SLC25A21: variants seen among roughly 807,000 people sequenced by gnomAD.
SLC25A21 encodes the protein solute carrier family 25 member 21, also known as mitochondrial 2-oxodicarboxylate carrier.
Under a neutral mutation model 43.8 loss-of-function variants are expected in SLC25A21, and 47 were observed. That is an observed-to-expected ratio of 1.07 (90% CI 0.85 to 1.37). The LOEUF (loss-of-function observed/expected upper bound fraction) is 1.37. SLC25A21 is among the 40% of genes most tolerant of loss of function. SLC25A21 has a pLI of 0.00. For missense variants in SLC25A21, 352 were observed against 350.2 expected (o/e 1.00, Z -0.04); for synonymous variants, 131 against 121.3 (o/e 1.08, Z -0.52).
intron 1 of SLC25A21, among the ~76,000 whole-genome samples, chr14:36,903,614 GAAAAA>G (rs71124784): frequency 3.0e-4 from 15 of 50,458 alleles, no homozygotes; most frequent in East Asian, 2.8e-3. Context: ...CTCCGTCTCA[GAAAAA>G]AAAAAAAAAA....
chr14:37,025,486 G>A (rs1040333434), intron 1 of SLC25A21, among the ~76,000 whole-genome samples: 3 of 152,094 alleles, frequency 2.0e-5, no homozygotes, highest in Non-Finnish European at 4.4e-5. Flanking sequence ...TAATAAACGT[G>A]ATTATCATAA....
intron 4 of SLC25A21, among the ~76,000 whole-genome samples, chr14:36,732,139 T>A (rs963308215): frequency 1.3e-5 from 2 of 152,114 alleles, no homozygotes; most frequent in South Asian, 2.1e-4. Flanking sequence ...TTTCTCTCTA[T>A]GTATATTTCT....
chr14:36,816,014 A>G (rs1329756065), intron 2 of SLC25A21, among the ~76,000 whole-genome samples: 1 of 152,242 alleles, frequency 6.6e-6, no homozygotes, highest in Non-Finnish European at 1.5e-5. Context: ...TTATAGTTCT[A>G]GGCCTCACAG....
chr14:37,121,101 A>G (rs996764847), intron 1 of SLC25A21, among the ~76,000 whole-genome samples: 5 of 152,228 alleles, frequency 3.3e-5, no homozygotes, highest in Non-Finnish European at 7.3e-5. Flanking sequence ...GAAAGTGATC[A>G]TGTACCCTTT....
intron 1 of SLC25A21, among the ~76,000 whole-genome samples, chr14:37,160,951 G>A (rs1243630639): frequency 1.6e-5 from 2 of 128,040 alleles, no homozygotes; most frequent in Non-Finnish European, 3.2e-5. Context: ...GAAGGAGGAA[G>A]AGGAGGAGGA....
intron 3 of SLC25A21, among the ~76,000 whole-genome samples, chr14:36,800,108 G>C (rs1379749464): frequency 6.6e-6 from 1 of 151,978 alleles, no homozygotes; most frequent in Non-Finnish European, 1.5e-5. Flanking sequence ...CAAGTCTCTG[G>C]TGAAATTTTC....
chr14:37,078,960 T>C (rs532538217), intron 1 of SLC25A21, among the ~76,000 whole-genome samples: 4 of 152,270 alleles, frequency 2.6e-5, no homozygotes, highest in African/African-American at 9.6e-5. Context: ...AAAAGTAAGC[T>C]AGAAATCAGT....
chr14:36,734,666 A>C, intron 3 of SLC25A21, 93 bp from the exon 4 acceptor site: 2 of 911,414 alleles, frequency 2.2e-6, no homozygotes, highest in African/African-American at 1.7e-5. Flanking sequence ...ATTCCCGATT[A>C]TTCAACATAG....
chr14:36,685,280 C>G (rs1460302773), intron 7 of SLC25A21, among the ~76,000 whole-genome samples: 1 of 152,200 alleles, frequency 6.6e-6, no homozygotes, highest in East Asian at 1.9e-4. Context: ...ACACTATTAG[C>G]TAATTGGCCA....
chr14:37,028,967 C>T (rs2138764894), intron 1 of SLC25A21, among the ~76,000 whole-genome samples: 1 of 152,320 alleles, frequency 6.6e-6, no homozygotes, highest in South Asian at 2.1e-4. Flanking sequence ...GCATTTCTCA[C>T]TAGTCCTTGC....
intron 1 of SLC25A21, among the ~76,000 whole-genome samples, chr14:36,921,085 G>A (rs898269796): frequency 6.6e-6 from 1 of 152,024 alleles, no homozygotes; most frequent in Admixed American, 6.6e-5. Context: ...AACAACTTAT[G>A]GATTTTTAGG....
intron 1 of SLC25A21, among the ~76,000 whole-genome samples, chr14:36,928,318 A>G (rs773638363): frequency 2.0e-5 from 3 of 152,228 alleles, no homozygotes; most frequent in Non-Finnish European, 2.9e-5. Context: ...TGCCAGAAGC[A>G]TTAAACATGA....
intron 3 of SLC25A21, among the ~76,000 whole-genome samples, chr14:36,798,902 A>AAGAGAGAAAGAGAG: frequency 6.6e-6 from 1 of 150,880 alleles, no homozygotes; most frequent in Admixed American, 6.6e-5. Context: ...TAGGGAGAGA[A>AAGAGAGAAAGAGAG]AGAGAGAGAG....
intron 1 of SLC25A21, among the ~76,000 whole-genome samples, chr14:37,120,040 A>G (rs1332150227): frequency 6.6e-6 from 1 of 152,244 alleles, no homozygotes; most frequent in African/African-American, 2.4e-5. Flanking sequence ...CATACTTTAC[A>G]TAAATCATAA....
At chr14:36,899,847 T>C (rs1276065051) in intron 1 of SLC25A21, among the ~76,000 whole-genome samples, 1 of 152,230 alleles carries the variant, frequency 6.6e-6, no homozygotes, top group Non-Finnish European at 1.5e-5. Flanking sequence ...AATGGTGTTT[T>C]CTGGGGTGAA....
chr14:36,962,217 G>T (rs920605317), intron 1 of SLC25A21, among the ~76,000 whole-genome samples: 1 of 152,078 alleles, frequency 6.6e-6, no homozygotes, highest in Non-Finnish European at 1.5e-5. Flanking sequence ...TAAAAAATTA[G>T]AGTATTTGAG....
intron 1 of SLC25A21, among the ~76,000 whole-genome samples, chr14:36,917,113 C>T (rs892559181): frequency 7.2e-5 from 11 of 152,148 alleles, no homozygotes; most frequent in African/African-American, 2.7e-4. Flanking sequence ...TCTACTATGG[C>T]TCTTTCTGCT....
intron 1 of SLC25A21, among the ~76,000 whole-genome samples, chr14:36,962,382 C>T (rs1318212088): frequency 6.6e-6 from 1 of 152,076 alleles, no homozygotes; most frequent in Non-Finnish European, 1.5e-5. Context: ...ATTTTATGAA[C>T]TTTATTCCTC....
intron 1 of SLC25A21, among the ~76,000 whole-genome samples, chr14:36,925,858 A>G (rs1566743800): frequency 6.6e-6 from 1 of 152,154 alleles, no homozygotes. Flanking sequence ...AAACAAAAAC[A>G]AAAACAAAAC....
Sources: gnomAD v4.1 joint callset for allele counts (sites outside exome capture counted in the v4.1 genomes callset) on GRCh38, gnomAD v4.1.1 for gene constraint, MANE v1.5 for transcripts, NCBI Gene and HGNC (gene_info 2026-07-23, HGNC 2026-07-21) for gene names.